Variants in CARMIL1 observed in about 807,000 individuals in gnomAD.
CARMIL1 encodes capping protein regulator and myosin 1 linker 1, also known as F-actin-uncapping protein LRRC16A.
A neutral mutation model predicts 177.1 loss-of-function variants in CARMIL1; 90 were observed. The observed-to-expected ratio is 0.51, with a 90% CI of 0.43 to 0.61. The LOEUF (loss-of-function observed/expected upper bound fraction) is 0.61, where lower values mean the gene tolerates loss of function less well. CARMIL1 is among the 20% of genes least tolerant of loss of function. The pLI is 0.00. For missense variants in CARMIL1, 1,380 were observed against 1,667.0 expected (o/e 0.83, Z 3.00); for synonymous variants, 577 against 606.2 (o/e 0.95, Z 0.71).
At chr6:25,373,813 G>C (rs1159593800) in intron 2 of CARMIL1, among the ~76,000 whole-genome samples, 1 of 152,048 alleles carries the variant, frequency 6.6e-6, no homozygotes, top group East Asian at 1.9e-4. Flanking sequence ...TCGATCTCCT[G>C]ACCTCGTGAT....
chr6:25,539,320 T>C (rs999943819), intron 25 of CARMIL1, among the ~76,000 whole-genome samples: 4 of 151,896 alleles, frequency 2.6e-5, no homozygotes, highest in Non-Finnish European at 4.4e-5. Context: ...AGTGTCAGAA[T>C]TGAATTGAAT....
chr6:25,316,456 G>T (rs1384805020), intron 2 of CARMIL1, among the ~76,000 whole-genome samples: 1 of 147,174 alleles, frequency 6.8e-6, no homozygotes. Flanking sequence ...GTCCCACTCT[G>T]TCGCCCAGGC....
rs781438795 is a variant in CARMIL1 at position 25,551,134 on chromosome 6, C to T, written c.2504+49C>T. 13 of 1,453,874 alleles carry T rather than the reference C, an allele frequency of 8.9e-6. No individual in the cohort carries two copies. In the Admixed American group the frequency reaches 1.3e-4, roughly 14 times the overall value. The allele number at this position is 1,453,874 out of a possible 1,614,324, so 90.1% of individuals were successfully genotyped here. The stretch of plus-strand genomic sequence containing the variant: ...CTAGGAGCTGCAGTTTCTGTAAATG[C>T]AGTCGAGGCAGCTGTAAAGAGGGTT... On this transcript the variant is annotated intron_variant, in intron 27 of 36. Coordinates refer to ENST00000329474, the MANE Select transcript of CARMIL1 (RefSeq NM_017640.6).
rs1285365829 is a variant in CARMIL1 at position 25,418,346 on chromosome 6, G to A, written c.139-1768G>A. Among the ~76,000 whole-genome samples, 14 of 152,000 alleles carry A rather than the reference G, an allele frequency of 9.2e-5. 1 individual carries two copies. The highest frequency in any genetic ancestry group is 9.2e-4 in the Admixed American group (14 of 15,266). On this transcript the variant is annotated intron_variant, in intron 2 of 36. Transcript: ENST00000329474. ...AACGAGTTCATCATTTCCCTGCATT[G>A]GGTTAATGCCTTATTGTTATCGTCT...
At chr6:25,457,399 C>A (rs6456684) in intron 8 of CARMIL1, among the ~76,000 whole-genome samples, 1 of 152,046 alleles carries the variant, frequency 6.6e-6, no homozygotes, top group African/African-American at 2.4e-5. Flanking sequence ...TAGGAATGTC[C>A]TCATCTGGGA....
intron 2 of CARMIL1, among the ~76,000 whole-genome samples, chr6:25,329,191 C>T (rs1785382683): frequency 1.3e-5 from 2 of 152,012 alleles, no homozygotes; most frequent in Admixed American, 6.6e-5. Flanking sequence ...AGATATCAGC[C>T]ATAAATCTAG....
chr6:25,353,603 G>A (rs1788311591), intron 2 of CARMIL1, among the ~76,000 whole-genome samples: 1 of 152,148 alleles, frequency 6.6e-6, no homozygotes, highest in African/African-American at 2.4e-5. Context: ...CTATGGCTTA[G>A]CTAGCCTTTT....
At chr6:25,587,608 C>A (rs3788994) in intron 31 of CARMIL1, among the ~76,000 whole-genome samples, 20,522 of 152,048 alleles carry the variant, frequency 0.13, 1,783 homozygotes, top group South Asian at 0.19. Context: ...CTTTTGTACC[C>A]ATTCTCCCTT....
chr6:25,407,090 A>G (rs1412702013), intron 2 of CARMIL1, among the ~76,000 whole-genome samples: 1 of 152,154 alleles, frequency 6.6e-6, no homozygotes, highest in Admixed American at 6.5e-5. Context: ...TTAGCAATCA[A>G]GATTGGCACC....
intron 5 of CARMIL1, among the ~76,000 whole-genome samples, chr6:25,439,948 T>C (rs1489653692): frequency 6.6e-6 from 1 of 152,180 alleles, no homozygotes; most frequent in Non-Finnish European, 1.5e-5. Flanking sequence ...AAATCAGCAA[T>C]ATCCTTGAGA....
intron 2 of CARMIL1, among the ~76,000 whole-genome samples, chr6:25,316,026 A>T (rs1784245410): frequency 2.0e-5 from 3 of 152,200 alleles, no homozygotes; most frequent in African/African-American, 7.2e-5. Flanking sequence ...GCTAAATGTT[A>T]TGACTTGGTC....
rs199977355 is a variant in CARMIL1 at position 25,539,986 on chromosome 6, G to A, written c.2236G>A (p.Ala746Thr). 6.4e-5 allele frequency: 103 copies of A among 1,604,578 alleles called. No individual in the cohort carries two copies. Among genetic ancestry groups the A allele is most frequent in the Non-Finnish European group, 8.5e-6 (10 of 1,176,176 alleles). ...NLYHVGGASW[A>T]GASGLLSSPI... Reference sequence around the variant, plus strand: ...ATACCATGTTGGTGGTGCATCTTGGGCGGGAGCCAGTGGCTTACTATCCAG... The same window carrying A: ...ATACCATGTTGGTGGTGCATCTTGGACGGGAGCCAGTGGCTTACTATCCAG... Residue 746 changes from alanine to threonine, a missense_variant, in exon 26 of 37, where the codon GCG becomes ACG. Physicochemically the swap from Ala to Thr is moderately conservative, Grantham distance 58 (BLOSUM62 0). Coordinates refer to ENST00000329474, the MANE Select transcript of CARMIL1 (RefSeq NM_017640.6).
chr6:25,331,376 G>C (rs1209991258), intron 2 of CARMIL1, among the ~76,000 whole-genome samples: 3 of 152,180 alleles, frequency 2.0e-5, no homozygotes, highest in African/African-American at 7.2e-5. Context: ...CCCATGATAG[G>C]CTAAAGAGAT....
At chr6:25,538,732 C>G (rs1808571693) in intron 25 of CARMIL1, among the ~76,000 whole-genome samples, 1 of 152,116 alleles carries the variant, frequency 6.6e-6, no homozygotes, top group Admixed American at 6.5e-5. Flanking sequence ...AGAGTTTATC[C>G]TAATGAGGTG....
intron 2 of CARMIL1, among the ~76,000 whole-genome samples, chr6:25,341,371 G>A (rs535430020): frequency 3.9e-5 from 6 of 152,198 alleles, no homozygotes; most frequent in Non-Finnish European, 7.3e-5. Flanking sequence ...GTGGCTGTGG[G>A]TAGTCATAGA....
intron 33 of CARMIL1, among the ~76,000 whole-genome samples, chr6:25,601,595 C>G (rs753481577): frequency 6.6e-6 from 1 of 152,128 alleles, no homozygotes; most frequent in African/African-American, 2.4e-5. Context: ...TTGCTATATT[C>G]CAGATTTAAA....
chr6:25,436,693 G>A (rs900640625), intron 5 of CARMIL1, among the ~76,000 whole-genome samples: 2 of 152,224 alleles, frequency 1.3e-5, no homozygotes, highest in African/African-American at 2.4e-5. Flanking sequence ...ATGGTGGGAG[G>A]TGGACACACC....
chr6:25,442,749 T>C (rs952565331), intron 5 of CARMIL1, among the ~76,000 whole-genome samples: 3 of 152,168 alleles, frequency 2.0e-5, no homozygotes, highest in African/African-American at 7.2e-5. Context: ...AAATGAGAAC[T>C]GTAAAGAAGC....
At chr6:25,279,932 T>G in intron 1 of CARMIL1, 97 bp downstream of exon 1, 1 of 1,423,142 alleles carries the variant, frequency 7.0e-7, no homozygotes, top group Non-Finnish European at 9.9e-7. Flanking sequence ...TCTCGAGAAG[T>G]CTTGGCGCCC....
Sources: gnomAD v4.1 joint callset for allele counts (sites outside exome capture counted in the v4.1 genomes callset) on GRCh38, gnomAD v4.1.1 for gene constraint, MANE v1.5 for transcripts, NCBI Gene and HGNC (gene_info 2026-07-23, HGNC 2026-07-21) for gene names.